ABCA12: variants seen among roughly 807,000 people sequenced by gnomAD.
The protein encoded by ABCA12 is ATP binding cassette subfamily A member 12.
Under a neutral mutation model 293.5 loss-of-function variants are expected in ABCA12, and 156 were observed. The observed-to-expected ratio is 0.53, with a 90% CI of 0.47 to 0.61. The LOEUF is 0.61. Among genes scored for constraint, ABCA12 ranks in the 20% least tolerant of loss-of-function variants. The pLI, the probability that ABCA12 is intolerant of heterozygous loss-of-function variation, is 0.00. For synonymous variants in ABCA12, 1,063 were observed against 1,108.0 expected, an observed-to-expected ratio of 0.96 and a Z score of 0.81; for missense variants, 2,797 against 3,090.2, an observed-to-expected ratio of 0.91 and a Z score of 2.25.
intron 1 of ABCA12, among the ~76,000 whole-genome samples, chr2:215,124,241 C>A (rs745617352): frequency 2.0e-5 from 3 of 152,084 alleles, no homozygotes; most frequent in Non-Finnish European, 4.4e-5. Flanking sequence ...TGTGCAAGTA[C>A]CTTTTCGAAT....
chr2:214,958,154 T>A, intron 41 of ABCA12, 123 bp downstream of exon 41: 1 of 1,341,770 alleles, frequency 7.5e-7, no homozygotes, highest in Non-Finnish European at 1.1e-6. Context: ...TCATTTTCTT[T>A]ATTTCCTGTC....
chr2:215,060,431 T>C (rs942646374), intron 3 of ABCA12, among the ~76,000 whole-genome samples: 1 of 152,088 alleles, frequency 6.6e-6, no homozygotes, highest in African/African-American at 2.4e-5. Context: ...TTTTTCACTT[T>C]TATCAATTTT....
chr2:215,095,010 C>G (rs188406824), intron 2 of ABCA12, among the ~76,000 whole-genome samples: 2 of 152,078 alleles, frequency 1.3e-5, no homozygotes, highest in East Asian at 3.9e-4. Flanking sequence ...TCCTTATCCC[C>G]AAAAATCAAT....
intron 30 of ABCA12, among the ~76,000 whole-genome samples, chr2:214,981,261 A>C (rs911371946): frequency 1.3e-5 from 2 of 152,148 alleles, no homozygotes; most frequent in African/African-American, 2.4e-5. Context: ...ACAGTCTATT[A>C]GAATTTTGCT....
chr2:215,071,064 G>T (rs951856100), intron 2 of ABCA12, among the ~76,000 whole-genome samples: 24 of 151,734 alleles, frequency 1.6e-4, no homozygotes, highest in Non-Finnish European at 1.5e-5. Flanking sequence ...CGGCATGCTG[G>T]TATGTGCCTG....
chr2:215,065,398 G>C (rs1701623018), intron 2 of ABCA12, among the ~76,000 whole-genome samples: 1 of 149,720 alleles, frequency 6.7e-6, no homozygotes, highest in Non-Finnish European at 1.5e-5. Context: ...GAGAGAAAGA[G>C]AGAATGGTAA....
Position 215,082,043 on chromosome 2 carries a change from C to CTTT in ABCA12, c.164-17827_164-17825dup, listed in dbSNP as rs549072917. Among the ~76,000 whole-genome samples the CTTT allele has an allele frequency of 7.3e-3, 821 of 113,096 alleles. 29 individuals are homozygous for CTTT. Among genetic ancestry groups the CTTT allele is most frequent in the Admixed American group, 0.019 (181 of 9,344 alleles). The allele number at this position is 113,096 out of a possible 152,430, so 74.2% of individuals were successfully genotyped here. A position where few individuals can be genotyped will look rare whatever the true frequency, so the allele number is the denominator to read the frequency against. ...ATATTATTTACTGAAATTGTTAATTCTTTTTTTTTTTTTTTTTTTGAGACA... is the reference window on the plus strand; with the variant it reads ...ATATTATTTACTGAAATTGTTAATTCTTTTTTTTTTTTTTTTTTTTTTGAGACA... On this transcript the variant is annotated intron_variant, in intron 2 of 52. Transcript: ENST00000272895.
chr2:215,014,808 A>G (rs555284599), intron 15 of ABCA12, among the ~76,000 whole-genome samples: 1 of 152,338 alleles, frequency 6.6e-6, no homozygotes, highest in African/African-American at 2.4e-5. Flanking sequence ...TACTACAGAG[A>G]AGGATAATTC....
At chr2:215,107,840 C>T (rs1047287033) in intron 2 of ABCA12, among the ~76,000 whole-genome samples, 2 of 152,144 alleles carry the variant, frequency 1.3e-5, no homozygotes, top group South Asian at 2.1e-4. Context: ...CTCCAGTGCC[C>T]GAATTGTTAA....
chr2:215,066,010 A>G (rs913513328), intron 2 of ABCA12, among the ~76,000 whole-genome samples: 2 of 152,110 alleles, frequency 1.3e-5, no homozygotes, highest in African/African-American at 2.4e-5. Context: ...TGAAAATTGC[A>G]GTGAACCAAT....
intron 36 of ABCA12, among the ~76,000 whole-genome samples, chr2:214,971,815 A>G (rs771463169): frequency 6.6e-6 from 1 of 152,224 alleles, no homozygotes; most frequent in Non-Finnish European, 1.5e-5. Flanking sequence ...AATTTTTACC[A>G]TTGGGATATA....
intron 24 of ABCA12, 46 bp downstream of exon 24, chr2:214,990,656 C>G (rs1699890856): frequency 6.3e-7 from 1 of 1,589,464 alleles, no homozygotes; most frequent in Middle Eastern, 1.7e-4. Context: ...AACAAACAAA[C>G]AAAAATGGGT....
At chr2:215,123,760 T>A (rs984104512) in intron 1 of ABCA12, among the ~76,000 whole-genome samples, 1 of 151,996 alleles carries the variant, frequency 6.6e-6, no homozygotes, top group African/African-American at 2.4e-5. Context: ...GTTTTTTCCT[T>A]TTTTAATCTT....
intron 26 of ABCA12, among the ~76,000 whole-genome samples, chr2:214,988,936 T>C (rs1223343323): frequency 6.6e-6 from 1 of 151,414 alleles, no homozygotes; most frequent in Non-Finnish European, 1.5e-5. Context: ...CCCAGCACTT[T>C]GGGAGGCCAA....
intron 7 of ABCA12, among the ~76,000 whole-genome samples, chr2:215,042,895 A>G (rs1033824283): frequency 6.6e-6 from 1 of 151,994 alleles, no homozygotes; most frequent in South Asian, 2.1e-4. Context: ...ACATTCTACT[A>G]TGAGATCAAC....
rs1053226332 is a variant in ABCA12 at position 215,051,866 on chromosome 2, G to A, written c.507+621C>T. ...TAGAGATTGTAGTTACAAAGAGCAC[G>A]TGTTCTGCCTAAAGGCATTCACATT... On this transcript the variant is annotated intron_variant, in intron 5 of 52. Coordinates refer to ENST00000272895, the MANE Select transcript of ABCA12 (RefSeq NM_173076.3). Among the ~76,000 whole-genome samples, 6 of 152,140 alleles carry A rather than the reference G, an allele frequency of 3.9e-5. No individual in the cohort carries two copies. The South Asian group carries it at 8.3e-4, about 21-fold the overall frequency.
Position 214,978,354 on chromosome 2 carries a change from T to G in ABCA12, c.5090A>C (p.Asp1697Ala). 1.2e-6 allele frequency: 2 copies of G among 1,614,090 alleles called. No individual in the cohort carries two copies. Among genetic ancestry groups the G allele is most frequent in the South Asian group, 1.1e-5 (1 of 91,078 alleles). ...SNANGISTPDDLSVSSSNFTD... is the reference protein window; with the variant it reads ...SNANGISTPDALSVSSSNFTD... ...GAAATTGCTGCTGCTCACAGATAAA[T>G]CGTCAGGAGTTGAGATGCCATTGGC... The change falls in exon 33 of 53, where the codon GAT (aspartate) becomes GCT (alanine). Residue 1697 changes from aspartate (D) to alanine (A), a missense_variant. Asp to Ala is a moderately radical substitution (Grantham distance 126). Around this residue, in one of 3 missense-constraint regions of ABCA12, gnomAD observed 2,130 missense variants for 2,427.0 expected, o/e 0.88. Transcript: ENST00000272895.
chr2:215,061,480 C>T (rs949876561), intron 3 of ABCA12, among the ~76,000 whole-genome samples: 4 of 151,868 alleles, frequency 2.6e-5, no homozygotes, highest in African/African-American at 9.7e-5. Context: ...TGTTTTGTTT[C>T]CTAATGAGGC....
intron 1 of ABCA12, among the ~76,000 whole-genome samples, chr2:215,120,489 C>T (rs34010652): frequency 0.33 from 49,837 of 151,772 alleles, 11,519 homozygotes; most frequent in African/African-American, 0.66. Context: ...GTCTAAAACA[C>T]GAAGGATGAA....
Sources: allele counts gnomAD v4.1 joint callset (sites outside exome capture counted in the v4.1 genomes callset), GRCh38; gene constraint gnomAD v4.1.1; regional missense constraint gnomAD v4.1.1; transcripts MANE v1.5; gene names NCBI Gene and HGNC (gene_info 2026-07-23, HGNC 2026-07-21).